EFTUD2: variants seen among roughly 807,000 people sequenced by gnomAD.
EFTUD2 encodes 116 kDa U5 small nuclear ribonucleoprotein component.
In EFTUD2, 9 loss-of-function variants were observed where a neutral mutation model predicts 114.3. That is an observed-to-expected ratio of 0.08 (90% CI 0.05 to 0.14). The LOEUF (loss-of-function observed/expected upper bound fraction) is 0.14. EFTUD2 is among the 10% of genes least tolerant of loss of function. The probability of loss-of-function intolerance (pLI) is 1.00; values close to 1 mark genes in which losing one functional copy is unlikely to be tolerated. For missense variants in EFTUD2, 765 were observed against 1,241.2 expected (o/e 0.62, Z 5.76); for synonymous variants, 449 against 462.3 (o/e 0.97, Z 0.37).
chr17:44,868,300 A>G lies in EFTUD2; in HGVS notation c.1045T>C (p.Phe349Leu). The change falls in exon 12 of 28, where the codon TTC becomes CTC. Residue 349 changes from phenylalanine to leucine, a missense_variant. By Grantham distance (22) the Phe-to-Leu change is conservative. Coordinates refer to ENST00000426333, the MANE Select transcript of EFTUD2 (RefSeq NM_004247.4). ...FAKRLWGDIY[F>L]NPKTRKFTKK... ...TACTCTACTTACGTCTTAGGGTTGAAGTAGATGTCACCCCAGAGTCTTTTA... is the reference window on the plus strand; with the variant it reads ...TACTCTACTTACGTCTTAGGGTTGAGGTAGATGTCACCCCAGAGTCTTTTA... The G allele has an allele frequency of 6.2e-7, 1 of 1,614,074 alleles. No individual in the cohort carries two copies.
chr17:44,887,071 A>G (rs2051188052), intron 2 of EFTUD2, among the ~76,000 whole-genome samples: 1 of 152,202 alleles, frequency 6.6e-6, no homozygotes, highest in Non-Finnish European at 1.5e-5. Flanking sequence ...AAAGGCAGAA[A>G]CCAAAAGCCA....
At chr17:44,862,172 C>G (rs1274542045) in intron 16 of EFTUD2, among the ~76,000 whole-genome samples, 1 of 152,216 alleles carries the variant, frequency 6.6e-6, no homozygotes. Context: ...TGGTGGCTCA[C>G]ACCTGTAATC....
chr17:44,858,468 T>C (rs143290734), intron 19 of EFTUD2, among the ~76,000 whole-genome samples: 47 of 152,284 alleles, frequency 3.1e-4, no homozygotes, highest in Admixed American at 1.0e-3. Flanking sequence ...AATGGCACAA[T>C]GATTGCTCAT....
intron 1 of EFTUD2, among the ~76,000 whole-genome samples, chr17:44,896,289 A>G (rs1449193690): frequency 2.6e-5 from 4 of 152,154 alleles, no homozygotes; most frequent in Non-Finnish European, 5.9e-5. Context: ...TAGCTCCTCA[A>G]TTTCTCATTC....
At chr17:44,851,890 C>A (rs934206563) in intron 26 of EFTUD2, 73 bp from the exon 27 acceptor site, 33 of 1,273,032 alleles carry the variant, frequency 2.6e-5, no homozygotes, top group Admixed American at 8.3e-5. Flanking sequence ...CAGGACTCTT[C>A]TTATTTATTT....
chr17:44,872,599 G>T (rs1178588054), intron 10 of EFTUD2, 29 bp from the exon 11 acceptor site: 5 of 1,579,684 alleles, frequency 3.2e-6, no homozygotes, highest in Non-Finnish European at 4.3e-6. Context: ...TGAACACAGT[G>T]CCAGGCTGCA....
intron 10 of EFTUD2, among the ~76,000 whole-genome samples, chr17:44,874,090 G>A (rs2050905259): frequency 7.0e-6 from 1 of 142,662 alleles, no homozygotes; most frequent in Admixed American, 7.2e-5. Flanking sequence ...CACCCACATT[G>A]GAGTACAACA....
In EFTUD2 at chr17:44,854,381, T is replaced by C; in HGVS notation, c.2260-25A>G. 2 of 1,607,798 alleles carry C rather than the reference T, an allele frequency of 1.2e-6. No individual in the cohort carries two copies. Among genetic ancestry groups the C allele is most frequent in the South Asian group, 1.1e-5 (1 of 90,498 alleles). The stretch of plus-strand genomic sequence containing the variant: ...CCTATAGAGAAACATGAGGCCTCCT[T>C]AGCAGTCGCCCTGGCAACGGCTGAA... On this transcript the variant is annotated intron_variant, in intron 22 of 27. Transcript: ENST00000426333. This position sits in a 1 kb window ranked among gnomAD's most constrained non-coding sequence, Gnocchi z 4.3.
At chr17:44,895,405 A>C (rs908672689) in intron 1 of EFTUD2, among the ~76,000 whole-genome samples, 2 of 151,452 alleles carry the variant, frequency 1.3e-5, no homozygotes, top group African/African-American at 4.9e-5. Flanking sequence ...CTGATATAGG[A>C]GAATCCCTTG....
chr17:44,889,722 C>T (rs1360349836), intron 2 of EFTUD2, among the ~76,000 whole-genome samples: 2 of 152,142 alleles, frequency 1.3e-5, no homozygotes, highest in Non-Finnish European at 2.9e-5. Context: ...GTGGTGAGAC[C>T]GGCTACCTCC....
chr17:44,887,104 C>A (rs2051188711), intron 2 of EFTUD2, among the ~76,000 whole-genome samples: 2 of 152,134 alleles, frequency 1.3e-5, no homozygotes, highest in East Asian at 3.9e-4. Context: ...GAAGATAAGC[C>A]CATACCTTTA....
chr17:44,872,425 A>G, intron 11 of EFTUD2, 21 bp downstream of exon 11: 2 of 1,609,920 alleles, frequency 1.2e-6, no homozygotes, highest in Non-Finnish European at 1.7e-6. Context: ...CTGGTGAGAC[A>G]GACTGCCAGC....
At chr17:44,873,478 C>T (rs766446732) in intron 10 of EFTUD2, among the ~76,000 whole-genome samples, 1 of 152,090 alleles carries the variant, frequency 6.6e-6, no homozygotes, top group Non-Finnish European at 1.5e-5. Flanking sequence ...TCCTCAGCAT[C>T]CCAAGTAGCT....
chr17:44,888,555 T>C (rs1308664157), intron 2 of EFTUD2, among the ~76,000 whole-genome samples: 2 of 152,024 alleles, frequency 1.3e-5, no homozygotes, highest in East Asian at 3.9e-4. Context: ...AGGAAAGAAA[T>C]AACAGTGGTG....
intron 14 of EFTUD2, among the ~76,000 whole-genome samples, chr17:44,864,286 T>A (rs1005459143): frequency 1.3e-5 from 2 of 152,176 alleles, no homozygotes; most frequent in Admixed American, 1.3e-4. Flanking sequence ...GTGTGTCAGA[T>A]TGATGGGCAG....
intron 13 of EFTUD2, among the ~76,000 whole-genome samples, chr17:44,867,297 ATTTT>A (rs3058538): frequency 8.2e-6 from 1 of 121,308 alleles, no homozygotes; most frequent in Non-Finnish European, 1.7e-5. Context: ...CTTTCCTTTG[ATTTT>A]TTTTTTTTTT....
At chr17:44,890,999 C>T (rs561975763) in intron 2 of EFTUD2, among the ~76,000 whole-genome samples, 1 of 152,136 alleles carries the variant, frequency 6.6e-6, no homozygotes, top group East Asian at 1.9e-4. Flanking sequence ...GACAGGTAAC[C>T]TTGGTGTCTA....
chr17:44,877,437 T>C (rs1415937611), intron 9 of EFTUD2, among the ~76,000 whole-genome samples: 1 of 152,120 alleles, frequency 6.6e-6, no homozygotes, highest in Non-Finnish European at 1.5e-5. Flanking sequence ...ACTCACTGAA[T>C]AAAATGCAAA....
At chr17:44,853,688 G>A (rs1210593120) in intron 23 of EFTUD2, 53 bp from the exon 24 acceptor site, 3 of 1,600,154 alleles carry the variant, frequency 1.9e-6, no homozygotes, top group Non-Finnish European at 2.6e-6. Context: ...CCTGTCATGG[G>A]GCCATGGCAG....
Sources: allele counts gnomAD v4.1 joint callset (sites outside exome capture counted in the v4.1 genomes callset), GRCh38; gene constraint gnomAD v4.1.1; non-coding constraint Gnocchi (gnomAD v3.1); transcripts MANE v1.5; gene names NCBI Gene and HGNC (gene_info 2026-07-23, HGNC 2026-07-21).